Variants in CSMD1 observed in about 807,000 individuals in gnomAD.
The protein encoded by CSMD1 is CUB and sushi domain-containing protein 1.
In CSMD1, 213 loss-of-function variants were observed where a neutral mutation model predicts 417.5. The ratio of observed to expected loss-of-function variants is 0.51; its 90% CI spans 0.46 to 0.57. The LOEUF is 0.57. CSMD1 is among the 20% of genes least tolerant of loss of function. The probability of loss-of-function intolerance (pLI) is 0.00; values close to 1 mark genes in which losing one functional copy is unlikely to be tolerated. For synonymous variants in CSMD1, 2,862 were observed against 1,736.8 expected, an observed-to-expected ratio of 1.65 and a Z score of -16.11; for missense variants, 6,923 against 4,529.7, an observed-to-expected ratio of 1.53 and a Z score of -15.17.
chr8:4,871,937 T>C lies in CSMD1; in HGVS notation c.85+122395A>G, dbSNP rs987644794. Among the ~76,000 whole-genome samples, 3 of 152,166 alleles carry C rather than the reference T, an allele frequency of 2.0e-5. No individual in the cohort carries two copies. In the South Asian group the frequency reaches 6.2e-4, roughly 32 times the overall value. Reference sequence around the variant, plus strand: ...CTGTCTCTGGTTTTCATTTACCCACTATCTCTATGGTCTGGACCAAGCATA... The same window carrying C: ...CTGTCTCTGGTTTTCATTTACCCACCATCTCTATGGTCTGGACCAAGCATA... On this transcript the variant is annotated intron_variant, in intron 1 of 69. Coordinates refer to ENST00000635120, the MANE Select transcript of CSMD1 (RefSeq NM_033225.6).
chr8:3,496,359 G>C (rs1796364310), intron 10 of CSMD1, among the ~76,000 whole-genome samples: 1 of 152,118 alleles, frequency 6.6e-6, no homozygotes, highest in African/African-American at 2.4e-5. Context: ...TAAGGATTGA[G>C]GGCAGACACC....
chr8:4,617,476 G>T (rs1443356093), intron 2 of CSMD1, among the ~76,000 whole-genome samples: 3 of 152,124 alleles, frequency 2.0e-5, no homozygotes, highest in African/African-American at 7.2e-5. Flanking sequence ...GAAACAGAAA[G>T]GTAAACATTC....
At chr8:3,178,515 T>C (rs1227410578) in intron 37 of CSMD1, among the ~76,000 whole-genome samples, 2 of 152,102 alleles carry the variant, frequency 1.3e-5, no homozygotes, top group Non-Finnish European at 2.9e-5. Flanking sequence ...GCTCAGTAAA[T>C]GGTATTCGTA....
intron 4 of CSMD1, among the ~76,000 whole-genome samples, chr8:4,006,001 G>T (rs1472449956): frequency 6.6e-6 from 1 of 152,082 alleles, no homozygotes; most frequent in East Asian, 1.9e-4. Flanking sequence ...AGCAGAGAAG[G>T]GTTTTCTGAA....
At chr8:4,074,167 T>C (rs1799702836) in intron 3 of CSMD1, among the ~76,000 whole-genome samples, 1 of 152,106 alleles carries the variant, frequency 6.6e-6, no homozygotes, top group Non-Finnish European at 1.5e-5. Flanking sequence ...AATGCATAAC[T>C]TGTATGGTCC....
chr8:4,035,182 C>G (rs1797552772), intron 3 of CSMD1, among the ~76,000 whole-genome samples: 1 of 151,936 alleles, frequency 6.6e-6, no homozygotes, highest in Non-Finnish European at 1.5e-5. Context: ...GATGTTGTAG[C>G]CGTCATGAGG....
chr8:4,224,859 C>G (rs957216923), intron 3 of CSMD1, among the ~76,000 whole-genome samples: 5 of 152,204 alleles, frequency 3.3e-5, no homozygotes, highest in Non-Finnish European at 7.3e-5. Flanking sequence ...CCTGTCATCC[C>G]AGCACTTTGG....
At chr8:3,934,303 T>C (rs1452063844) in intron 5 of CSMD1, among the ~76,000 whole-genome samples, 1 of 152,148 alleles carries the variant, frequency 6.6e-6, no homozygotes, top group African/African-American at 2.4e-5. Flanking sequence ...GTGCCTACTA[T>C]GTATAAATGA....
In CSMD1 at chr8:3,237,700, ATAAT is replaced by A. The variant is rs1193626641; in HGVS notation, c.4154-7473_4154-7470del. ...TTATAATTATACTTATACTACAAAT[ATAAT>A]TTTTATAATTATACTTATACTACAA... On this transcript the variant is annotated intron_variant, in intron 26 of 69. Coordinates refer to ENST00000635120, the MANE Select transcript of CSMD1 (RefSeq NM_033225.6). Among the ~76,000 whole-genome samples the A allele has an allele frequency of 3.8e-4, 54 of 143,104 alleles. 2 individuals are homozygous for A. The highest frequency in any genetic ancestry group is 6.4e-4 in the South Asian group (3 of 4,714). 93.9% of individuals were successfully genotyped at this position (143,104 alleles called of 152,430 possible). A position where few individuals can be genotyped will look rare whatever the true frequency, so the allele number is the denominator to read the frequency against.
At chr8:3,646,035 T>G (rs17066728) in intron 7 of CSMD1, among the ~76,000 whole-genome samples, 22,930 of 149,202 alleles carry the variant, frequency 0.15, 2,281 homozygotes, top group East Asian at 0.32. Flanking sequence ...ACTAGAAATA[T>G]TCTAAATTCC....
intron 10 of CSMD1, among the ~76,000 whole-genome samples, chr8:3,533,158 T>A (rs1000336157): frequency 4.6e-5 from 7 of 152,172 alleles, no homozygotes; most frequent in African/African-American, 1.4e-4. Context: ...AATTTAAAGA[T>A]CAAATTCTGT....
chr8:4,341,658 G>C (rs1048280633), intron 3 of CSMD1, among the ~76,000 whole-genome samples: 2 of 152,112 alleles, frequency 1.3e-5, no homozygotes, highest in African/African-American at 2.4e-5. Flanking sequence ...TGTTCTAAAA[G>C]CATCTTTCAG....
chr8:3,301,129 T>G (rs1353290905), intron 25 of CSMD1, among the ~76,000 whole-genome samples: 1 of 151,044 alleles, frequency 6.6e-6, no homozygotes, highest in Non-Finnish European at 1.5e-5. Context: ...TCTTCAATTG[T>G]TTTTTTTTAA....
intron 10 of CSMD1, among the ~76,000 whole-genome samples, chr8:3,569,865 G>C (rs1047546154): frequency 2.0e-5 from 3 of 152,072 alleles, no homozygotes; most frequent in African/African-American, 7.2e-5. Context: ...TGTCAACCTG[G>C]AATACCTTGT....
chr8:4,616,063 G>C (rs865935188), intron 2 of CSMD1, among the ~76,000 whole-genome samples: 1 of 152,138 alleles, frequency 6.6e-6, no homozygotes, highest in Non-Finnish European at 1.5e-5. Context: ...ATAGTCTGGA[G>C]TGTTCTTATT....
chr8:4,216,380 T>G (rs1167676740), intron 3 of CSMD1, among the ~76,000 whole-genome samples: 5 of 152,190 alleles, frequency 3.3e-5, no homozygotes, highest in African/African-American at 1.2e-4. Context: ...GCACACACCA[T>G]CAGAATAGTG....
At chr8:4,153,860 G>A (rs554864670) in intron 3 of CSMD1, among the ~76,000 whole-genome samples, 1 of 152,316 alleles carries the variant, frequency 6.6e-6, no homozygotes, top group East Asian at 1.9e-4. Flanking sequence ...TAGCTATGTG[G>A]CTTTCCTGAC....
intron 2 of CSMD1, among the ~76,000 whole-genome samples, chr8:4,586,931 T>C (rs573744968): frequency 2.0e-4 from 31 of 152,196 alleles, no homozygotes; most frequent in African/African-American, 7.2e-4. Context: ...AAATGAGAAC[T>C]TGCATGCATG....
intron 3 of CSMD1, among the ~76,000 whole-genome samples, chr8:4,370,411 T>C (rs535832089): frequency 4.6e-5 from 7 of 152,236 alleles, no homozygotes; most frequent in East Asian, 3.9e-4. Context: ...TCTGATGATA[T>C]TGTCTTGGAA....
Sources: allele counts gnomAD v4.1 joint callset (sites outside exome capture counted in the v4.1 genomes callset), GRCh38; gene constraint gnomAD v4.1.1; transcripts MANE v1.5; gene names NCBI Gene and HGNC (gene_info 2026-07-23, HGNC 2026-07-21).